The following AOPEP variants were observed in gnomAD, a reference collection of about 807,000 sequenced individuals.
AOPEP encodes aminopeptidase O.
A neutral mutation model predicts 98.1 loss-of-function variants in AOPEP; 77 were observed. The observed-to-expected ratio is 0.78, with a 90% CI of 0.65 to 0.95. AOPEP has a LOEUF of 0.95. Ranked by LOEUF, AOPEP falls within the 40% of genes least tolerant of loss-of-function variation. The pLI is 0.00. For synonymous variants in AOPEP, 346 were observed against 365.3 expected, an observed-to-expected ratio of 0.95 and a Z score of 0.60; for missense variants, 1,024 against 1,024.7, an observed-to-expected ratio of 1.00 and a Z score of 0.01.
chr9:95,032,624 C>T (rs551396417), intron 13 of AOPEP, among the ~76,000 whole-genome samples: 10 of 152,282 alleles, frequency 6.6e-5, no homozygotes, highest in African/African-American at 2.4e-4. Context: ...TCCCAGGCTA[C>T]TCTGCTCTAG....
chr9:94,828,051 G>A (rs763270902), intron 5 of AOPEP, among the ~76,000 whole-genome samples: 7 of 152,210 alleles, frequency 4.6e-5, no homozygotes, highest in Non-Finnish European at 1.0e-4. Context: ...GAGGCAGAAG[G>A]CGAGGGAAGC....
At chr9:95,082,274 C>T (rs1488442729) in intron 15 of AOPEP, among the ~76,000 whole-genome samples, 2 of 152,194 alleles carry the variant, frequency 1.3e-5, no homozygotes, top group Non-Finnish European at 2.9e-5. Flanking sequence ...CAGAGCGTTC[C>T]TGACACGGCC....
the AOPEP span, among the ~76,000 whole-genome samples, chr9:95,139,730 T>C: frequency 6.6e-6 from 1 of 151,390 alleles, no homozygotes; most frequent in East Asian, 2.0e-4. Context: ...GCATAAGGTA[T>C]GGCTACCAGA....
At chr9:95,060,591 GCAC>G in intron 13 of AOPEP, 100 bp from the exon 14 acceptor site, 1 of 779,670 alleles carries the variant, frequency 1.3e-6, no homozygotes, top group East Asian at 2.5e-5. Flanking sequence ...TATGCTGAAA[GCAC>G]CCAGGTTACC....
chr9:95,123,371 G>A, the AOPEP span: 1 of 398,480 alleles, frequency 2.5e-6, no homozygotes, highest in Non-Finnish European at 4.9e-6. Flanking sequence ...TGGGTGTGGT[G>A]GCTCACACCT....
In AOPEP at chr9:94,773,425, G is replaced by C. The variant is rs546880339; in HGVS notation, c.964+257G>C. ...TTTCAGCAGTTGCTTTCACCTGGTGGTTTGTAGGCCATAAGTAGGTGGTCT... is the reference window on the plus strand; with the variant it reads ...TTTCAGCAGTTGCTTTCACCTGGTGCTTTGTAGGCCATAAGTAGGTGGTCT... On this transcript the variant is annotated intron_variant, in intron 3 of 16. Transcript: ENST00000375315. Among the ~76,000 whole-genome samples, 6 of 152,206 alleles carry C rather than the reference G, an allele frequency of 3.9e-5. No individual in the cohort carries two copies. In the East Asian group the frequency reaches 9.7e-4, roughly 25 times the overall value.
intron 5 of AOPEP, among the ~76,000 whole-genome samples, chr9:94,805,600 G>A (rs356130): frequency 0.22 from 33,247 of 151,860 alleles, 5,117 homozygotes; most frequent in African/African-American, 0.43. Context: ...GCTTCACTAT[G>A]AGGAAAAACT....
chr9:95,047,431 T>G (rs1302796010), intron 13 of AOPEP, among the ~76,000 whole-genome samples: 1 of 152,190 alleles, frequency 6.6e-6, no homozygotes, highest in East Asian at 1.9e-4. Flanking sequence ...GATGTTTTAT[T>G]TTTCTAAGCA....
chr9:94,827,656 A>T (rs190915747), intron 5 of AOPEP, among the ~76,000 whole-genome samples: 1 of 152,294 alleles, frequency 6.6e-6, no homozygotes, highest in Admixed American at 6.5e-5. Flanking sequence ...CTGTGGAGTG[A>T]TCTTTTCCTG....
At chr9:94,734,201 C>T (rs1395452046) in intron 1 of AOPEP, among the ~76,000 whole-genome samples, 1 of 152,102 alleles carries the variant, frequency 6.6e-6, no homozygotes, top group Non-Finnish European at 1.5e-5. Flanking sequence ...CCAAATAAAT[C>T]CTAGGGTGGG....
At chr9:94,781,309 T>C (rs1017777547) in intron 3 of AOPEP, among the ~76,000 whole-genome samples, 45 of 152,156 alleles carry the variant, frequency 3.0e-4, no homozygotes, top group African/African-American at 1.0e-3. Flanking sequence ...GTGCCTTGTA[T>C]AGAATAAGTG....
chr9:94,918,360 T>G (rs2053122781), intron 5 of AOPEP, among the ~76,000 whole-genome samples: 1 of 152,200 alleles, frequency 6.6e-6, no homozygotes, highest in South Asian at 2.1e-4. Flanking sequence ...CAGTTCTGGC[T>G]ATGATGTAGA....
intron 5 of AOPEP, chr9:94,920,150 C>T (rs2053410719): frequency 6.6e-6 from 1 of 152,132 alleles, no homozygotes; most frequent in South Asian, 2.1e-4. Context: ...ATGAAGAAAC[C>T]CCATCTCTAC....
chr9:95,101,591 T>G, the AOPEP span: 8,403 of 1,285,878 alleles, frequency 6.5e-3, 453 homozygotes, highest in African/African-American at 0.11. Context: ...CAGCTCATTC[T>G]CACAGCCCAG....
At chr9:95,099,982 G>C in the AOPEP span, 1 of 232,280 alleles carries the variant, frequency 4.3e-6, no homozygotes, top group Non-Finnish European at 8.5e-6. Context: ...TCCACAACAG[G>C]AGGCCTGGTC....
chr9:94,731,834 T>A (rs1313410293), intron 1 of AOPEP, among the ~76,000 whole-genome samples: 1 of 148,606 alleles, frequency 6.7e-6, no homozygotes, highest in Non-Finnish European at 1.5e-5. Flanking sequence ...TTCGCTCTTG[T>A]TGCCCAGGCT....
intron 9 of AOPEP, among the ~76,000 whole-genome samples, chr9:94,956,777 T>G (rs1373737444): frequency 6.6e-6 from 1 of 152,240 alleles, no homozygotes; most frequent in East Asian, 1.9e-4. Flanking sequence ...TAGCATAGAT[T>G]GGACTAATGG....
At chr9:95,149,561 C>T in the AOPEP span, among the ~76,000 whole-genome samples, 1 of 151,758 alleles carries the variant, frequency 6.6e-6, no homozygotes, top group Non-Finnish European at 1.5e-5. Flanking sequence ...TCACTGCAAT[C>T]TCCGCCTCCC....
intron 13 of AOPEP, among the ~76,000 whole-genome samples, chr9:95,024,217 G>A (rs1658211608): frequency 6.6e-6 from 1 of 152,218 alleles, no homozygotes; most frequent in Admixed American, 6.5e-5. Flanking sequence ...TCCTTGAGAA[G>A]TTTATTTTAA....
Sources: allele counts gnomAD v4.1 joint callset (sites outside exome capture counted in the v4.1 genomes callset), GRCh38; gene constraint gnomAD v4.1.1; transcripts MANE v1.5; gene names NCBI Gene and HGNC (gene_info 2026-07-23, HGNC 2026-07-21).